FAM186B: variants seen among roughly 807,000 people sequenced by gnomAD.
FAM186B encodes protein FAM186B.
A neutral mutation model predicts 83.4 loss-of-function variants in FAM186B; 68 were observed. The ratio of observed to expected loss-of-function variants is 0.81; its 90% CI spans 0.67 to 1.00. FAM186B has a LOEUF of 1.00. FAM186B is among the 50% of genes least tolerant of loss of function. The pLI, the probability that FAM186B is intolerant of heterozygous loss-of-function variation, is 0.00. For missense variants in FAM186B, 983 were observed against 1,099.2 expected, an observed-to-expected ratio of 0.89 and a Z score of 1.49; for synonymous variants, 389 against 422.0, an observed-to-expected ratio of 0.92 and a Z score of 0.96.
rs997948557 is a variant in FAM186B, at chr12:49,599,505, T to C, written c.2135A>G (p.His712Arg). ...GAGGCGTCTATAGAAGATGTACTTA[T>C]GGCACAGGTACTGCAGCCTGAGCGC... Reference protein sequence around the residue: ...LGALRLQYLCHKYIFYRRLQS... With the variant: ...LGALRLQYLCRKYIFYRRLQS... Residue 712 changes from histidine to arginine, a missense_variant, in exon 4 of 7, where the codon CAT (histidine) becomes CGT (arginine). Physicochemically the swap from His to Arg is conservative, Grantham distance 29 (BLOSUM62 0). Coordinates refer to ENST00000257894, the MANE Select transcript of FAM186B (RefSeq NM_032130.3). 5.1e-6 allele frequency: 8 copies of C among 1,568,058 alleles called. No homozygotes were observed. In the African/African-American group the frequency reaches 5.5e-5, roughly 11 times the overall value.
At chr12:49,605,277 G>A (rs1330383796) in intron 1 of FAM186B, 105 bp downstream of exon 1, 2 of 1,543,260 alleles carry the variant, frequency 1.3e-6, no homozygotes, top group Non-Finnish European at 8.7e-7. Context: ...AATATCCCAG[G>A]GCCTCTGAGG....
At chr12:49,595,119 C>T (rs1939683739) in intron 5 of FAM186B, 2 of 383,760 alleles carry the variant, frequency 5.2e-6, no homozygotes, top group Non-Finnish European at 1.0e-5. Context: ...AAACATATAA[C>T]CTGAGTTTTA....
rs1939951273 is a variant in FAM186B, at chr12:49,603,840, C to G, written c.322+473G>C. ...ATACCAATACCATCTTCTTCCAACACTGGAGCATCCAGCACACAGCACACA... is the reference window on the plus strand; with the variant it reads ...ATACCAATACCATCTTCTTCCAACAGTGGAGCATCCAGCACACAGCACACA... On this transcript the variant is annotated intron_variant, in intron 2 of 6. Transcript: ENST00000257894. Among the ~76,000 whole-genome samples, 2 of 152,170 alleles carry G rather than the reference C, an allele frequency of 1.3e-5. 1 individual carries two copies. The highest frequency in any genetic ancestry group is 4.1e-4 in the South Asian group (2 of 4,830).
chr12:49,615,285 T>A, the FAM186B span, among the ~76,000 whole-genome samples: 2 of 152,074 alleles, frequency 1.3e-5, no homozygotes, highest in Non-Finnish European at 2.9e-5. Context: ...TTAAAAAAAA[T>A]TATGATCACA....
chr12:49,607,635 T>C (rs1365084691), upstream of FAM186B, among the ~76,000 whole-genome samples: 8 of 152,196 alleles, frequency 5.3e-5, no homozygotes, highest in African/African-American at 7.2e-5. Context: ...AAAAACTCTT[T>C]CAAAAAATTG....
In FAM186B at chr12:49,588,465, C is replaced by T. The variant is rs1939500026; in HGVS notation, c.2523G>A (p.Leu841=). 1 of 1,612,172 alleles carries T rather than the reference C, an allele frequency of 6.2e-7. No homozygotes were observed. Among genetic ancestry groups the T allele is most frequent in the East Asian group, 2.2e-5 (1 of 44,824 alleles). ...FLSRHRACVP[L]QMARQQGKQM... ...TTCCCAGAACCTACCGGGCCATCTG[C>T]AGGGGCACACATGCCCGGTGCCTAG... Residue 841 remains leucine, a synonymous_variant, in exon 6 of 7, where the codon CTG becomes CTA. Transcript: ENST00000257894.
At chr12:49,618,253 G>C in the FAM186B span, among the ~76,000 whole-genome samples, 2 of 152,074 alleles carry the variant, frequency 1.3e-5, no homozygotes, top group Non-Finnish European at 2.9e-5. Context: ...GCTAAGGCAG[G>C]AGAATCACTT....
In FAM186B at chr12:49,600,744, A is replaced by G; in HGVS notation, c.896T>C (p.Ile299Thr). The G allele has an allele frequency of 1.9e-6, 3 of 1,614,068 alleles. No individual in the cohort carries two copies. The highest frequency in any genetic ancestry group is 2.5e-6 in the Non-Finnish European group (3 of 1,179,986). The part of the protein sequence containing the change: ...RRDALLKQVE[I>T]LGGRYHDLLL... Reference sequence around the variant, plus strand: ...AAGGTCATGGTACCTTCCCCCTAAGATCTCTACCTGCTTCAGCAGAGCATC... The same window carrying G: ...AAGGTCATGGTACCTTCCCCCTAAGGTCTCTACCTGCTTCAGCAGAGCATC... Residue 299 changes from isoleucine to threonine, a missense_variant, in exon 4 of 7, where the codon ATC becomes ACC. Ile to Thr is a moderately conservative substitution (Grantham distance 89). Transcript: ENST00000257894. This position sits in a 1 kb window ranked among gnomAD's most constrained non-coding sequence, Gnocchi z 4.3.
the FAM186B span, among the ~76,000 whole-genome samples, chr12:49,615,606 T>C: frequency 4.3e-4 from 66 of 152,244 alleles, no homozygotes; most frequent in Non-Finnish European, 6.3e-4. Context: ...CTGACCAATA[T>C]GGTGAAACTC....
At chr12:49,592,950 A>C (rs897155091) in intron 5 of FAM186B, among the ~76,000 whole-genome samples, 1 of 152,248 alleles carries the variant, frequency 6.6e-6, no homozygotes, top group Non-Finnish European at 1.5e-5. Context: ...ATGAAGAGCA[A>C]ATTATATATT....
At chr12:49,609,077 G>A (rs1940060674), upstream of FAM186B, among the ~76,000 whole-genome samples, 1 of 152,188 alleles carries the variant, frequency 6.6e-6, no homozygotes. Flanking sequence ...AGCCAGAATT[G>A]TAGAAAGCAC....
Position 49,600,012 on chromosome 12 carries a change from C to T in FAM186B, c.1628G>A (p.Ser543Asn), listed in dbSNP as rs1939836412. The change falls in exon 4 of 7, where the codon AGC (serine) becomes AAC (asparagine). Residue 543 changes from serine to asparagine, a missense_variant. By Grantham distance (46) the Ser-to-Asn change is conservative. Transcript: ENST00000257894. The surrounding 1 kb of genome is among the most constrained non-coding windows in gnomAD (Gnocchi z 4.3). ...TAGCTGCTCTGGCTCTCTCCGTGGG[C>T]TCTCCTGCTCCTTTTCTAGCTGGAC... ...RWVQLEKEQE[S>N]PRREPEQLGE... 2 of 1,609,900 alleles carry T rather than the reference C, an allele frequency of 1.2e-6. No individual in the cohort carries two copies. The highest frequency in any genetic ancestry group is 1.7e-6 in the Non-Finnish European group (2 of 1,178,220).
At chr12:49,606,009 A>G (rs1000471861), upstream of FAM186B, among the ~76,000 whole-genome samples, 1 of 151,526 alleles carries the variant, frequency 6.6e-6, no homozygotes, top group Non-Finnish European at 1.5e-5. Context: ...TGATCCACCC[A>G]CCTTAGCCTC....
intron 5 of FAM186B, among the ~76,000 whole-genome samples, chr12:49,593,397 G>A (rs182899883): frequency 5.5e-4 from 84 of 152,342 alleles, no homozygotes; most frequent in African/African-American, 1.9e-3. Flanking sequence ...CACTTTGGGA[G>A]GCCCAGGTGG....
At chr12:49,588,241 C>G (rs920234315) in intron 6 of FAM186B, among the ~76,000 whole-genome samples, 1 of 152,222 alleles carries the variant, frequency 6.6e-6, no homozygotes, top group Non-Finnish European at 1.5e-5. Context: ...TCAGGCTAGT[C>G]CCTGAAGCCC....
the FAM186B span, among the ~76,000 whole-genome samples, chr12:49,619,862 T>C: frequency 6.6e-6 from 1 of 151,782 alleles, no homozygotes; most frequent in Non-Finnish European, 1.5e-5. Flanking sequence ...TTTTTTTTAG[T>C]AGAGACGGGG....
chr12:49,599,659 CCTT>C lies in FAM186B; in HGVS notation c.1978_1980del (p.Lys660del), dbSNP rs777861400. 93 of 1,605,868 alleles carry C rather than the reference CCTT, an allele frequency of 5.8e-5. 1 individual carries two copies. The highest frequency in any genetic ancestry group is 1.9e-4 in the South Asian group (17 of 89,704). ...TGGGCCTCCATGTCCATGTGGTACA[CCTT>C]CTTCTTAATATTTGCAGGGGATATC... On this transcript the variant is annotated inframe_deletion, in exon 4 of 7. Coordinates refer to ENST00000257894, the MANE Select transcript of FAM186B (RefSeq NM_032130.3).
chr12:49,611,858 AAAAAT>A, the FAM186B span, among the ~76,000 whole-genome samples: 5 of 148,166 alleles, frequency 3.4e-5, no homozygotes, highest in African/African-American at 7.5e-5. Context: ...ACTCCATCTG[AAAAAT>A]AAAATAAAAT....
intron 5 of FAM186B, among the ~76,000 whole-genome samples, chr12:49,591,532 A>C (rs1340936673): frequency 6.6e-6 from 1 of 152,210 alleles, no homozygotes; most frequent in South Asian, 2.1e-4. Context: ...CCAGCAGATA[A>C]GCAGTGTGAG....
Sources: allele counts gnomAD v4.1 joint callset (sites outside exome capture counted in the v4.1 genomes callset), GRCh38; gene constraint gnomAD v4.1.1; non-coding constraint Gnocchi (gnomAD v3.1); transcripts MANE v1.5; gene names NCBI Gene and HGNC (gene_info 2026-07-23, HGNC 2026-07-21).